Variants in USP14 observed in about 807,000 individuals in gnomAD.
The protein encoded by USP14 is ubiquitin specific peptidase 14, also known as ubiquitin carboxyl-terminal hydrolase 14.
Under a neutral mutation model 76.5 loss-of-function variants are expected in USP14, and 38 were observed. The observed-to-expected ratio is 0.50, with a 90% CI of 0.38 to 0.65. The LOEUF is 0.65. USP14 is among the 30% of genes least tolerant of loss of function. The pLI is 0.00. For missense variants in USP14, 467 were observed against 586.5 expected, an observed-to-expected ratio of 0.80 and a Z score of 2.10; for synonymous variants, 192 against 191.7, an observed-to-expected ratio of 1.00 and a Z score of -0.01.
chr18:179,584 T>G (rs965836883), intron 4 of USP14, among the ~76,000 whole-genome samples: 24 of 147,052 alleles, frequency 1.6e-4, no homozygotes, highest in Non-Finnish European at 3.1e-4. Flanking sequence ...TTTTTTTTTT[T>G]GCTTTTTTTT....
At chr18:201,494 A>AAG (rs1375575470) in intron 10 of USP14, among the ~76,000 whole-genome samples, 2 of 152,212 alleles carry the variant, frequency 1.3e-5, no homozygotes, top group African/African-American at 4.8e-5. Flanking sequence ...GCATAAGAAG[A>AAG]AGAGTGAGTG....
intron 1 of USP14, among the ~76,000 whole-genome samples, chr18:161,279 A>G (rs549921293): frequency 6.6e-6 from 1 of 152,276 alleles, no homozygotes; most frequent in Admixed American, 6.5e-5. Context: ...ATCCTTAGCC[A>G]GCTTCCAGTT....
chr18:186,110 C>T (rs1027819487), intron 5 of USP14, among the ~76,000 whole-genome samples: 6 of 152,136 alleles, frequency 3.9e-5, no homozygotes, highest in Admixed American at 6.5e-5. Flanking sequence ...GCCATCTTCT[C>T]GGCCCTTATG....
At chr18:210,108 T>C in intron 14 of USP14, 77 bp downstream of exon 14, 1 of 1,168,452 alleles carries the variant, frequency 8.6e-7, no homozygotes, top group South Asian at 1.4e-5. Flanking sequence ...TACCCCATAT[T>C]TACTTATTCT....
chr18:184,444 G>A (rs1909872776), intron 5 of USP14, among the ~76,000 whole-genome samples: 1 of 152,142 alleles, frequency 6.6e-6, no homozygotes, highest in Non-Finnish European at 1.5e-5. Flanking sequence ...CTTGTCTTTG[G>A]CAGGTTCTAT....
intron 4 of USP14, among the ~76,000 whole-genome samples, chr18:179,733 G>A (rs368682455): frequency 4.1e-4 from 61 of 148,162 alleles, no homozygotes; most frequent in African/African-American, 1.2e-3. Context: ...AATTGTAGGC[G>A]TGCACCATCA....
rs200187156 is a variant in USP14, at chr18:214,512, TACA to T, written c.*3233_*3235del. 6.0e-4 allele frequency: 505 copies of T among 848,652 alleles called. 4 individuals are homozygous for T. In the East Asian group the frequency reaches 9.8e-3, roughly 16 times the overall value. 52.6% of individuals were successfully genotyped at this position (848,652 alleles called of 1,614,324 possible). A position where few individuals can be genotyped will look rare whatever the true frequency, so the allele number is the denominator to read the frequency against. On this transcript the variant is annotated 3_prime_UTR_variant, in exon 16 of 16. Transcript: ENST00000261601. ...TTGTTCTCAGAGCACCAGCCGACTG[TACA>T]ACAATTGTTATAAAAATGTTTATTG...
At chr18:210,896 G>T (rs1471632746) in intron 15 of USP14, among the ~76,000 whole-genome samples, 1 of 152,154 alleles carries the variant, frequency 6.6e-6, no homozygotes, top group East Asian at 1.9e-4. Flanking sequence ...GTACACTTGA[G>T]AGAATGTGGG....
intron 1 of USP14, chr18:158,958 C>T: frequency 2.2e-6 from 1 of 460,368 alleles, no homozygotes; most frequent in Non-Finnish European, 3.5e-6. Context: ...ATGGGGAAGC[C>T]TCTCAAAGTC....
At chr18:201,293 A>G (rs1311667427) in intron 10 of USP14, among the ~76,000 whole-genome samples, 1 of 152,222 alleles carries the variant, frequency 6.6e-6, no homozygotes, top group East Asian at 1.9e-4. Context: ...TCTTGAAGGA[A>G]GAAAAGTCAG....
intron 3 of USP14, among the ~76,000 whole-genome samples, chr18:177,739 A>C (rs1025935998): frequency 2.0e-5 from 3 of 151,602 alleles, no homozygotes; most frequent in Non-Finnish European, 2.9e-5. Context: ...GATGTTATTC[A>C]TATTTTAAGA....
intron 1 of USP14, among the ~76,000 whole-genome samples, chr18:161,392 A>G (rs1348313747): frequency 6.6e-6 from 1 of 152,168 alleles, no homozygotes; most frequent in African/African-American, 2.4e-5. Flanking sequence ...TTTTCTGGGA[A>G]TTCTTCTGTC....
In USP14 at chr18:213,988, T is replaced by TAGAC. The variant is rs1555603851; in HGVS notation, c.*2707_*2708insCAGA. On this transcript the variant is annotated 3_prime_UTR_variant, in exon 16 of 16. Transcript: ENST00000261601. ...AAGATAGATAGATTAGATAGATAGA[T>TAGAC]AGATAGATAGATGATGATTGATTGA... 1 of 150,380 alleles carries TAGAC rather than the reference T, an allele frequency of 6.6e-6. No individual in the cohort carries two copies. The highest frequency in any genetic ancestry group is 1.5e-5 in the Non-Finnish European group (1 of 67,684). 9.3% of individuals were successfully genotyped at this position (150,380 alleles called of 1,614,324 possible).
intron 10 of USP14, among the ~76,000 whole-genome samples, chr18:200,228 A>G (rs1453941089): frequency 6.6e-6 from 1 of 152,174 alleles, no homozygotes. Flanking sequence ...TGTTAACTTT[A>G]AGGAAAATTA....
intron 3 of USP14, among the ~76,000 whole-genome samples, chr18:167,457 T>G (rs1330407549): frequency 6.6e-6 from 1 of 152,132 alleles, no homozygotes; most frequent in Admixed American, 6.6e-5. Flanking sequence ...TTTATTTAGG[T>G]CTCTGTTTTT....
chr18:194,825 G>A (rs1910187636), intron 6 of USP14, among the ~76,000 whole-genome samples: 1 of 152,118 alleles, frequency 6.6e-6, no homozygotes. Context: ...CAGCTACTCG[G>A]GAGGCTGAGG....
At chr18:180,440 T>G in intron 5 of USP14, 101 bp downstream of exon 5, 1 of 713,538 alleles carries the variant, frequency 1.4e-6, no homozygotes, top group East Asian at 3.0e-5. Context: ...TATAATTAAT[T>G]TATTATACAA....
intron 3 of USP14, among the ~76,000 whole-genome samples, chr18:170,845 G>A (rs2144219157): frequency 6.6e-6 from 1 of 151,608 alleles, no homozygotes; most frequent in Non-Finnish European, 1.5e-5. Flanking sequence ...CAGCACACAC[G>A]GGGGCCTGTC....
At chr18:187,669 A>G (rs1298309143) in intron 5 of USP14, among the ~76,000 whole-genome samples, 3 of 152,202 alleles carry the variant, frequency 2.0e-5, no homozygotes, top group Admixed American at 1.3e-4. Context: ...ATGTTAGATG[A>G]ATTTTCCCTT....
Sources: allele counts gnomAD v4.1 joint callset (sites outside exome capture counted in the v4.1 genomes callset), GRCh38; gene constraint gnomAD v4.1.1; transcripts MANE v1.5; gene names NCBI Gene and HGNC (gene_info 2026-07-23, HGNC 2026-07-21).